Variants in ATXN8OS observed in about 807,000 individuals in gnomAD.
ATXN8OS encodes the protein ATXN8 opposite strand (non-protein coding).
chr13:70,124,818 A>G (rs1053070376), intron 2 of ATXN8OS, among the ~76,000 whole-genome samples: 1 of 152,108 alleles, frequency 6.6e-6, no homozygotes, highest in African/African-American at 2.4e-5. Context: ...GCTTTGAAAT[A>G]CAGATATATA....
intron 2 of ATXN8OS, among the ~76,000 whole-genome samples, chr13:70,118,255 A>G (rs941922885): frequency 6.6e-6 from 1 of 152,120 alleles, no homozygotes; most frequent in Non-Finnish European, 1.5e-5. Flanking sequence ...TCTTGGCAAT[A>G]GTCTGTAAGG....
intron 4 of ATXN8OS, among the ~76,000 whole-genome samples, chr13:70,166,880 GAAGAC>G (rs1889082292): frequency 6.6e-6 from 1 of 151,476 alleles, no homozygotes; most frequent in Admixed American, 6.6e-5. Context: ...CTTCTCAAAA[GAAGAC>G]ATTTATGCAG....
At chr13:70,127,450 T>C (rs1888455461) in intron 2 of ATXN8OS, among the ~76,000 whole-genome samples, 1 of 152,046 alleles carries the variant, frequency 6.6e-6, no homozygotes, top group Non-Finnish European at 1.5e-5. Flanking sequence ...ATAAATTAAC[T>C]TAGTGTTCTA....
chr13:70,153,211 A>T (rs1314122550), intron 4 of ATXN8OS, among the ~76,000 whole-genome samples: 1 of 152,174 alleles, frequency 6.6e-6, no homozygotes, highest in Non-Finnish European at 1.5e-5. Flanking sequence ...TGGAGTAGGC[A>T]AGCATATAAT....
chr13:70,116,966 T>G (rs1416410284), intron 2 of ATXN8OS, among the ~76,000 whole-genome samples: 2 of 152,122 alleles, frequency 1.3e-5, no homozygotes, highest in African/African-American at 2.4e-5. Flanking sequence ...TTTTCTGTTC[T>G]TCACTGATGC....
intron 2 of ATXN8OS, among the ~76,000 whole-genome samples, chr13:70,122,950 G>C (rs762338704): frequency 8.6e-5 from 13 of 151,944 alleles, no homozygotes; most frequent in Non-Finnish European, 1.9e-4. Context: ...AATTCTCTTA[G>C]AGACTTTGTT....
intron 4 of ATXN8OS, among the ~76,000 whole-genome samples, chr13:70,151,419 A>G (rs1048062951): frequency 8.5e-5 from 13 of 152,092 alleles, no homozygotes; most frequent in African/African-American, 3.1e-4. Flanking sequence ...ATTTCACGCA[A>G]CATAATATCC....
intron 4 of ATXN8OS, among the ~76,000 whole-genome samples, chr13:70,148,934 A>G (rs1888825978): frequency 6.6e-6 from 1 of 152,148 alleles, no homozygotes; most frequent in African/African-American, 2.4e-5. Flanking sequence ...ATAACATTCT[A>G]TAATTTGCTT....
intron 1 of ATXN8OS, among the ~76,000 whole-genome samples, chr13:70,113,398 A>G (rs1243443246): frequency 2.6e-5 from 4 of 152,166 alleles, no homozygotes; most frequent in African/African-American, 9.6e-5. Context: ...CCTATTTTGT[A>G]TAACACTAGA....
intron 1 of ATXN8OS, among the ~76,000 whole-genome samples, chr13:70,112,920 A>AT (rs759144765): frequency 0.19 from 16,624 of 87,730 alleles, 1,701 homozygotes; most frequent in African/African-American, 0.36. Context: ...TATATATATA[A>AT]TTTTTTTTTT....
chr13:70,145,635 T>A (rs1888773422), intron 3 of ATXN8OS, among the ~76,000 whole-genome samples: 1 of 152,172 alleles, frequency 6.6e-6, no homozygotes, highest in African/African-American at 2.4e-5. Context: ...AGTTCACTCA[T>A]GATTTGGCTC....
intron 4 of ATXN8OS, among the ~76,000 whole-genome samples, chr13:70,155,032 A>G (rs1044552903): frequency 1.3e-5 from 2 of 152,188 alleles, no homozygotes; most frequent in Non-Finnish European, 2.9e-5. Context: ...AGTGTGTATA[A>G]AAGTCAAGTA....
intron 3 of ATXN8OS, chr13:70,130,759 T>C (rs1278032440): frequency 2.5e-6 from 1 of 398,410 alleles, no homozygotes; most frequent in Non-Finnish European, 4.4e-6. Flanking sequence ...AAGTGTTCTG[T>C]GTTTCTAATA....
intron 4 of ATXN8OS, among the ~76,000 whole-genome samples, chr13:70,167,682 A>G (rs868101005): frequency 1.7e-4 from 26 of 150,492 alleles, no homozygotes; most frequent in African/African-American, 5.6e-4. Flanking sequence ...AAAAAAGAAA[A>G]TTCAGAAAGA....
At chr13:70,130,783 C>T (rs556033740) in intron 3 of ATXN8OS, 2 of 398,482 alleles carry the variant, frequency 5.0e-6, no homozygotes, top group East Asian at 3.6e-5. Context: ...AAACAGACTT[C>T]ACCTCGGAGT....
At chr13:70,125,738 C>A (rs917290954) in intron 2 of ATXN8OS, among the ~76,000 whole-genome samples, 1 of 152,270 alleles carries the variant, frequency 6.6e-6, no homozygotes, top group African/African-American at 2.4e-5. Context: ...CTGCTTGCAT[C>A]TCTATCAATC....
chr13:70,114,080 C>T (rs903828125), intron 1 of ATXN8OS, among the ~76,000 whole-genome samples: 1 of 152,104 alleles, frequency 6.6e-6, no homozygotes, highest in Non-Finnish European at 1.5e-5. Flanking sequence ...TCTAAGAAAT[C>T]AAATTACTTT....
At chr13:70,156,153 T>G (rs1164811051) in intron 4 of ATXN8OS, among the ~76,000 whole-genome samples, 1 of 152,164 alleles carries the variant, frequency 6.6e-6, no homozygotes, top group African/African-American at 2.4e-5. Context: ...ATGATTTTTT[T>G]CAGCATCTAT....
intron 3 of ATXN8OS, among the ~76,000 whole-genome samples, chr13:70,135,110 T>A (rs1230845556): frequency 3.3e-5 from 5 of 152,174 alleles, no homozygotes; most frequent in South Asian, 2.1e-4. Context: ...GTCCACCCAA[T>A]CCACTTTTCC....
Sources: allele counts gnomAD v4.1 joint callset (sites outside exome capture counted in the v4.1 genomes callset), GRCh38; gene constraint gnomAD v4.1.1; transcripts MANE v1.5; gene names NCBI Gene and HGNC (gene_info 2026-07-23, HGNC 2026-07-21).